KCNH7: variants seen among roughly 807,000 people sequenced by gnomAD.
The protein encoded by KCNH7 is potassium voltage-gated channel subfamily H member 7.
A neutral mutation model predicts 120.8 loss-of-function variants in KCNH7; 49 were observed. That is an observed-to-expected ratio of 0.41 (90% CI 0.32 to 0.51). The LOEUF is 0.51. Among genes scored for constraint, KCNH7 ranks in the 20% least tolerant of loss-of-function variants. The probability of loss-of-function intolerance (pLI) is 0.38; values close to 1 mark genes in which losing one functional copy is unlikely to be tolerated. For synonymous variants in KCNH7, 547 were observed against 516.1 expected (o/e 1.06, Z -0.81); for missense variants, 1,097 against 1,446.6 (o/e 0.76, Z 3.92).
intron 10 of KCNH7, among the ~76,000 whole-genome samples, chr2:162,397,601 GCTTCTAACAGGA>G (rs1398300601): frequency 3.3e-5 from 5 of 151,632 alleles, no homozygotes; most frequent in Non-Finnish European, 7.4e-5. Flanking sequence ...TCAGTGTCTC[GCTTCTAACAGGA>G]CTTCCCCATC....
intron 5 of KCNH7, among the ~76,000 whole-genome samples, chr2:162,508,372 T>C (rs1295502716): frequency 6.6e-6 from 1 of 151,422 alleles, no homozygotes; most frequent in Non-Finnish European, 1.5e-5. Context: ...CCACATTTTC[T>C]TTTAATCTAT....
intron 6 of KCNH7, among the ~76,000 whole-genome samples, chr2:162,470,468 C>T (rs7557003): frequency 7.5e-5 from 11 of 146,320 alleles, no homozygotes; most frequent in South Asian, 4.3e-4. Context: ...CCCCTCCGCC[C>T]GGCAGCCGCC....
chr2:162,818,943 C>A (rs1219634525), intron 2 of KCNH7, among the ~76,000 whole-genome samples: 1 of 152,104 alleles, frequency 6.6e-6, no homozygotes, highest in Non-Finnish European at 1.5e-5. Context: ...TTTATTAAAC[C>A]TGATGAAAAT....
chr2:162,736,141 C>A (rs1203966789), intron 2 of KCNH7, among the ~76,000 whole-genome samples: 4 of 152,264 alleles, frequency 2.6e-5, no homozygotes, highest in African/African-American at 9.6e-5. Flanking sequence ...CTAGGTCTTT[C>A]TCCCTGAGTC....
At chr2:162,407,002 A>C (rs908966216) in intron 9 of KCNH7, among the ~76,000 whole-genome samples, 2 of 152,012 alleles carry the variant, frequency 1.3e-5, no homozygotes, top group Non-Finnish European at 2.9e-5. Flanking sequence ...TGTATTGTCT[A>C]GTTTGAAGCC....
intron 6 of KCNH7, among the ~76,000 whole-genome samples, chr2:162,475,920 T>C (rs1435212797): frequency 6.6e-6 from 1 of 152,188 alleles, no homozygotes; most frequent in Non-Finnish European, 1.5e-5. Flanking sequence ...CTGGTGCTTA[T>C]CTGGTGGACG....
rs369493565 is a variant in KCNH7, at chr2:162,572,926, T to C, written c.308-35846A>G. 7.4e-4 allele frequency among the ~76,000 whole-genome samples: 113 copies of C among 152,114 alleles called. 1 individual carries two copies. The South Asian group carries it at 0.017, about 23-fold the overall frequency. ...GTGGGAGAAGGGCGGAGGGATAGCA[T>C]TGGGAGATATACCTAATGCTAGATG... is the stretch of plus-strand genomic sequence containing the variant. On this transcript the variant is annotated intron_variant, in intron 2 of 15. Coordinates refer to ENST00000332142, the MANE Select transcript of KCNH7 (RefSeq NM_033272.4).
chr2:162,477,224 C>T lies in KCNH7; in HGVS notation c.1128+27219G>A, dbSNP rs527539006. Among the ~76,000 whole-genome samples, 19 of 152,280 alleles carry T rather than the reference C, an allele frequency of 1.2e-4. 1 individual carries two copies. The East Asian group carries it at 3.7e-3, about 29-fold the overall frequency. ...CCTGACATTCTGCAGATTTTCCTGCCATGGTATCTTTTCACTTACTAACAT... is the reference window on the plus strand; with the variant it reads ...CCTGACATTCTGCAGATTTTCCTGCTATGGTATCTTTTCACTTACTAACAT... On this transcript the variant is annotated intron_variant, in intron 6 of 15. Coordinates refer to ENST00000332142, the MANE Select transcript of KCNH7 (RefSeq NM_033272.4).
chr2:162,711,228 G>A (rs1174534700), intron 2 of KCNH7, among the ~76,000 whole-genome samples: 2 of 152,204 alleles, frequency 1.3e-5, no homozygotes, highest in African/African-American at 4.8e-5. Context: ...AATATTCCTA[G>A]AGCAATAATC....
intron 2 of KCNH7, among the ~76,000 whole-genome samples, chr2:162,710,069 G>T (rs1686867703): frequency 6.6e-6 from 1 of 152,050 alleles, no homozygotes; most frequent in African/African-American, 2.4e-5. Flanking sequence ...AGTTTTCCAG[G>T]GTGACAGCCA....
intron 1 of KCNH7, among the ~76,000 whole-genome samples, chr2:162,837,552 C>T (rs887352009): frequency 7.2e-5 from 11 of 152,126 alleles, no homozygotes; most frequent in Non-Finnish European, 1.2e-4. Flanking sequence ...TTAGTTTGTA[C>T]GCAAGGTACC....
chr2:162,790,567 G>C (rs1055490147), intron 2 of KCNH7, among the ~76,000 whole-genome samples: 4 of 151,924 alleles, frequency 2.6e-5, no homozygotes, highest in Non-Finnish European at 4.4e-5. Flanking sequence ...AATAAACATA[G>C]ATGCAAAAAT....
chr2:162,526,454 C>T (rs1691707985), intron 3 of KCNH7, among the ~76,000 whole-genome samples: 1 of 151,896 alleles, frequency 6.6e-6, no homozygotes, highest in South Asian at 2.1e-4. Flanking sequence ...GGGCTTATTT[C>T]ATCCCTACAG....
At chr2:162,382,842 A>G (rs910192565) in intron 13 of KCNH7, among the ~76,000 whole-genome samples, 1 of 151,904 alleles carries the variant, frequency 6.6e-6, no homozygotes, top group Admixed American at 6.6e-5. Flanking sequence ...TAAAGATATT[A>G]ATTAGCCAGG....
intron 6 of KCNH7, among the ~76,000 whole-genome samples, chr2:162,474,557 C>A (rs1170588233): frequency 6.6e-6 from 1 of 152,180 alleles, no homozygotes; most frequent in Non-Finnish European, 1.5e-5. Context: ...GTAGGCTGGA[C>A]TTACTGACTT....
At chr2:162,807,261 A>AC (rs1484882074) in intron 2 of KCNH7, among the ~76,000 whole-genome samples, 4 of 121,418 alleles carry the variant, frequency 3.3e-5, no homozygotes, top group Non-Finnish European at 1.8e-5. Flanking sequence ...AAATACAAAA[A>AC]AAAAAAAAAA....
chr2:162,771,755 G>A (rs3765023), intron 2 of KCNH7, among the ~76,000 whole-genome samples: 42,736 of 151,560 alleles, frequency 0.28, 6,991 homozygotes, highest in African/African-American at 0.46. Flanking sequence ...ATCTGATCTC[G>A]TATTTTTATA....
intron 2 of KCNH7, among the ~76,000 whole-genome samples, chr2:162,598,366 TAC>T (rs1353062366): frequency 6.6e-6 from 1 of 152,054 alleles, no homozygotes; most frequent in African/African-American, 2.4e-5. Flanking sequence ...CCTTCAATTA[TAC>T]AGAGACTAAT....
chr2:162,377,068 C>T (rs1255999377), intron 14 of KCNH7, among the ~76,000 whole-genome samples: 1 of 151,922 alleles, frequency 6.6e-6, no homozygotes, highest in African/African-American at 2.4e-5. Context: ...GAACAAATGC[C>T]GAAGCTAAAC....
Sources: gnomAD v4.1 joint callset for allele counts (sites outside exome capture counted in the v4.1 genomes callset) on GRCh38, gnomAD v4.1.1 for gene constraint, MANE v1.5 for transcripts, NCBI Gene and HGNC (gene_info 2026-07-23, HGNC 2026-07-21) for gene names.